Variants in ZNF763 observed in about 807,000 individuals in gnomAD.
The protein encoded by ZNF763 is zinc finger protein 763, also known as DNA-binding protein.
ZNF763 carries 33 observed loss-of-function variants against 38.0 expected under a neutral mutation model. That is an observed-to-expected ratio of 0.87 (90% confidence interval 0.66 to 1.16). ZNF763 has a LOEUF of 1.16. ZNF763 is among the 50% of genes most tolerant of loss of function. The probability of loss-of-function intolerance (pLI) is 0.00; values close to 1 mark genes in which losing one functional copy is unlikely to be tolerated. For missense variants in ZNF763, 423 were observed against 469.1 expected, an observed-to-expected ratio of 0.90 and a Z score of 0.91; for synonymous variants, 155 against 160.1, an observed-to-expected ratio of 0.97 and a Z score of 0.24.
rs1276102310 is a variant in ZNF763, at chr19:11,979,356, A to G, written c.*247A>G. The G allele has an allele frequency of 1.2e-5, 19 of 1,610,622 alleles. No individual in the cohort carries two copies. Among genetic ancestry groups the G allele is most frequent in the African/African-American group, 2.7e-5 (2 of 74,468 alleles). ...GTAGGACTCACTGGAGAGAAACCCTATGAGTGTAAGGAATGTGGGAAAGCC... is the reference window on the plus strand; with the variant it reads ...GTAGGACTCACTGGAGAGAAACCCTGTGAGTGTAAGGAATGTGGGAAAGCC... On this transcript the variant is annotated 3_prime_UTR_variant, in exon 4 of 4. Coordinates refer to ENST00000358987, the MANE Select transcript of ZNF763 (RefSeq NM_001367172.2).
At chr19:11,971,133 C>G (rs1973342406) in intron 1 of ZNF763, among the ~76,000 whole-genome samples, 1 of 152,064 alleles carries the variant, frequency 6.6e-6, no homozygotes, top group Non-Finnish European at 1.5e-5. Context: ...GACTGGGTAA[C>G]TTAAAGAATA....
At chr19:11,977,539 T>G in intron 3 of ZNF763, 108 bp downstream of exon 3, 52 of 1,325,994 alleles carry the variant, frequency 3.9e-5, no homozygotes, top group Non-Finnish European at 4.8e-5. Flanking sequence ...AATTCATCTC[T>G]TCTTAGAATA....
In ZNF763 at chr19:11,979,069, C is replaced by G. The variant is rs1973563585; in HGVS notation, c.1145C>G (p.Ser382Ter). 6.2e-7 allele frequency: 1 copy of G among 1,614,138 alleles called. No homozygotes were observed. Among genetic ancestry groups the G allele is most frequent in the East Asian group, 2.2e-5 (1 of 44,888 alleles). The change falls in exon 4 of 4, where the codon TCA becomes TGA. Residue 382 changes from serine to a stop codon, truncating the protein, a stop_gained. Transcript: ENST00000358987. LOFTEE classifies it high-confidence loss of function. ...GGGAAAGCATTATCTTATAAGTTTTCAAACACACCTAAGAATGCGCTCTGG... is the reference window on the plus strand; with the variant it reads ...GGGAAAGCATTATCTTATAAGTTTTGAAACACACCTAAGAATGCGCTCTGG... ...QCGKALSYKFSNTPKNALWRK... is the reference protein window; with the variant it reads ...QCGKALSYKF
chr19:11,978,497 GGT>G lies in ZNF763; in HGVS notation c.574_575del (p.Val192AsnfsTer9). ...CCCATTCAGGCATTCGAAGACGCATGGTAATGCACAGTGGGGATGGACCTTAT... is the reference window on the plus strand; with the variant it reads ...CCCATTCAGGCATTCGAAGACGCATGAATGCACAGTGGGGATGGACCTTAT... Reference protein sequence around the residue: ...ISHSGIRRRMVMHSGDGPYKC... With the variant: ...ISHSGIRRRMXMHSGDGPYKC... On this transcript the variant is annotated frameshift_variant, in exon 4 of 4. Transcript: ENST00000358987. LOFTEE classifies it high-confidence loss of function. The G allele has an allele frequency of 3.7e-6, 6 of 1,614,208 alleles. No individual in the cohort carries two copies. The highest frequency in any genetic ancestry group is 5.1e-6 in the Non-Finnish European group (6 of 1,180,028).
At chr19:11,977,279 G>T (rs1442889440) in intron 2 of ZNF763, 92 bp from the exon 3 acceptor site, 1 of 1,603,820 alleles carries the variant, frequency 6.2e-7, no homozygotes, top group Non-Finnish European at 8.5e-7. Context: ...AATAAATGAG[G>T]CATGGCTGCA....
intron 1 of ZNF763, among the ~76,000 whole-genome samples, chr19:11,970,415 T>C (rs1323950923): frequency 6.6e-6 from 1 of 152,214 alleles, no homozygotes; most frequent in Non-Finnish European, 1.5e-5. Context: ...AGTTTTCTTC[T>C]GTTATAACAA....
In ZNF763 at chr19:11,978,579, GA is replaced by G; in HGVS notation, c.658del (p.Arg220GlufsTer178). The stretch of plus-strand genomic sequence containing the variant: ...TTGTCTCAGATTATATCTTATCCAT[GA>G]AAGAACTCACACTGGAGAGAAACCG... ...VHCLRLYLIH[E>X]RTHTGEKPYE... On this transcript the variant is annotated frameshift_variant, in exon 4 of 4. Coordinates refer to ENST00000358987, the MANE Select transcript of ZNF763 (RefSeq NM_001367172.2). LOFTEE classifies it high-confidence loss of function. 1.2e-6 allele frequency: 2 copies of G among 1,614,186 alleles called. No homozygotes were observed. The highest frequency in any genetic ancestry group is 1.7e-6 in the Non-Finnish European group (2 of 1,180,016).
intron 1 of ZNF763, among the ~76,000 whole-genome samples, chr19:11,967,468 G>A (rs1015600954): frequency 4.2e-4 from 64 of 152,056 alleles, no homozygotes; most frequent in African/African-American, 1.3e-3. Context: ...GCAGTGGCGC[G>A]ATCTCGGCTC....
chr19:11,965,851 G>A (rs1973216526), intron 1 of ZNF763, among the ~76,000 whole-genome samples: 1 of 152,174 alleles, frequency 6.6e-6, no homozygotes, highest in Non-Finnish European at 1.5e-5. Flanking sequence ...GACAGGAATT[G>A]CAGGGAAAAT....
chr19:11,971,137 A>G (rs1400748667), intron 1 of ZNF763, among the ~76,000 whole-genome samples: 2 of 152,156 alleles, frequency 1.3e-5, no homozygotes, highest in African/African-American at 2.4e-5. Flanking sequence ...GGGTAACTTA[A>G]AGAATAAACA....
At chr19:11,969,918 A>G (rs997524662) in intron 1 of ZNF763, among the ~76,000 whole-genome samples, 1 of 152,052 alleles carries the variant, frequency 6.6e-6, no homozygotes, top group Non-Finnish European at 1.5e-5. Context: ...ACACCCTCCT[A>G]TCTTTTCCTG....
chr19:11,979,427 C>T lies in ZNF763; in HGVS notation c.*318C>T, dbSNP rs1481417665. On this transcript the variant is annotated 3_prime_UTR_variant, in exon 4 of 4. Coordinates refer to ENST00000358987, the MANE Select transcript of ZNF763 (RefSeq NM_001367172.2). ...TCAAATTCATGAAAGGACACAAACA[C>T]ACATAAGAATACACTCTGGAGAAAG... 15 of 1,606,344 alleles carry T rather than the reference C, an allele frequency of 9.3e-6. No individual in the cohort carries two copies. Among genetic ancestry groups the T allele is most frequent in the Non-Finnish European group, 1.0e-5 (12 of 1,176,340 alleles).
chr19:11,967,367 G>T (rs1211568460), intron 1 of ZNF763, among the ~76,000 whole-genome samples: 1 of 151,968 alleles, frequency 6.6e-6, no homozygotes, highest in African/African-American at 2.4e-5. Context: ...ACAAGAAAGA[G>T]TTGAAGACCA....
At position 11,979,712 on chromosome 19, in the gene ZNF763, G is replaced by A. The variant is rs916414288; in HGVS notation, c.*603G>A. On this transcript the variant is annotated 3_prime_UTR_variant, in exon 4 of 4. Coordinates refer to ENST00000358987, the MANE Select transcript of ZNF763 (RefSeq NM_001367172.2). ...GACTCACCCTGAAGAGAAGCCCTAC[G>A]AGTGTAAGCAATGTGGGAAAGCCTT... The A allele has an allele frequency of 2.5e-6, 4 of 1,599,138 alleles. No individual in the cohort carries two copies. The highest frequency in any genetic ancestry group is 2.2e-5 in the East Asian group (1 of 44,508).
chr19:11,969,162 C>T (rs1282177031), intron 1 of ZNF763, among the ~76,000 whole-genome samples: 2 of 152,138 alleles, frequency 1.3e-5, no homozygotes, highest in African/African-American at 2.4e-5. Context: ...TGGAGTGCAG[C>T]GGCGTGATCT....
chr19:11,974,118 TTTC>T (rs1180508292), intron 1 of ZNF763, among the ~76,000 whole-genome samples: 6,459 of 67,818 alleles, frequency 0.095, 134 homozygotes, highest in Non-Finnish European at 0.12. Flanking sequence ...TCTTTCTTTC[TTTC>T]TTTCTTTTCT....
At chr19:11,975,245 A>G (rs1973460844) in intron 1 of ZNF763, among the ~76,000 whole-genome samples, 1 of 151,598 alleles carries the variant, frequency 6.6e-6, no homozygotes. Context: ...GATAAAACGC[A>G]TGTTTAGTAA....
rs561093488 is a variant in ZNF763, at chr19:11,973,031, A to G, written c.4-4007A>G. On this transcript the variant is annotated intron_variant, in intron 1 of 3. Transcript: ENST00000358987. The stretch of plus-strand genomic sequence containing the variant: ...AACACGATGGAAATTGAAGAAACCA[A>G]TATTATTATTACCTAAAGTCCATCT... 1.8e-4 allele frequency among the ~76,000 whole-genome samples: 27 copies of G among 152,318 alleles called. 1 individual carries two copies. In the East Asian group the frequency reaches 5.0e-3, roughly 28 times the overall value.
At chr19:11,974,134 CTTT>C (rs1568308531) in intron 1 of ZNF763, among the ~76,000 whole-genome samples, 13 of 98,096 alleles carry the variant, frequency 1.3e-4, no homozygotes, top group African/African-American at 6.9e-4. Context: ...TCTTTTCTTT[CTTT>C]CTTTCTTTCT....
Sources: gnomAD v4.1 joint callset for allele counts (sites outside exome capture counted in the v4.1 genomes callset) on GRCh38, gnomAD v4.1.1 for gene constraint, MANE v1.5 for transcripts, NCBI Gene and HGNC (gene_info 2026-07-23, HGNC 2026-07-21) for gene names.